The following LTF variants were observed in gnomAD, a reference collection of about 807,000 sequenced individuals.
LTF encodes epididymis luminal protein 110.
Under a neutral mutation model 87.2 loss-of-function variants are expected in LTF, and 91 were observed. The observed-to-expected ratio is 1.04, with a 90% CI of 0.88 to 1.24. The LOEUF (loss-of-function observed/expected upper bound fraction) is 1.24, where lower values mean the gene tolerates loss of function less well. LTF is among the 50% of genes most tolerant of loss of function. LTF has a pLI of 0.00. For synonymous variants in LTF, 378 were observed against 356.1 expected (o/e 1.06, Z -0.69); for missense variants, 901 against 904.3 (o/e 1.00, Z 0.05).
upstream of LTF, chr3:46,465,189 T>C: frequency 2.3e-6 from 1 of 431,160 alleles, no homozygotes; most frequent in South Asian, 2.5e-5. Context: ...CTGTCCCAGC[T>C]CTGGTCTCAG....
rs1203239551 is a variant in LTF, at chr3:46,454,308, A to G, written c.700T>C (p.Phe234Leu). The change falls in exon 6 of 17, where the codon TTT (phenylalanine) becomes CTT (leucine). Residue 234 changes from phenylalanine (F) to leucine (L), a missense_variant. By Grantham distance (22) the Phe-to-Leu change is conservative. Coordinates refer to ENST00000231751, the MANE Select transcript of LTF (RefSeq NM_002343.6). ...DVAFIRESTV[F>L]EDLSDEAERD... is the part of the protein sequence containing the mutation. ...CGGCTCATTACCCTGCTCTTACCAA[A>G]CACTGTGCTCTCTCTGATAAAAGCC... 6.2e-6 allele frequency: 10 copies of G among 1,614,128 alleles called. No individual in the cohort carries two copies. Among genetic ancestry groups the G allele is most frequent in the South Asian group, 1.1e-5 (1 of 91,080 alleles).
chr3:46,460,194 C>T (rs1375148055), intron 1 of LTF, among the ~76,000 whole-genome samples: 1 of 152,212 alleles, frequency 6.6e-6, no homozygotes, highest in Non-Finnish European at 1.5e-5. Context: ...GGAGTCATTG[C>T]TCCTGTTTTA....
At chr3:46,460,595 A>T (rs563201270) in intron 1 of LTF, 5 of 455,434 alleles carry the variant, frequency 1.1e-5, no homozygotes, top group South Asian at 3.1e-5. Flanking sequence ...ATCCACAAAA[A>T]ACCTGCAATG....
Position 46,439,486 on chromosome 3 carries a change from G to A in LTF, c.1724-6C>T, listed in dbSNP as rs1347948387. On this transcript the variant is annotated splice_region_variant and splice_polypyrimidine_tract_variant and intron_variant, in intron 14 of 16. Coordinates refer to ENST00000231751, the MANE Select transcript of LTF (RefSeq NM_002343.6). ...CCATGCCTCATTGTTATTTCCTGGG[G>A]AGAAAAAGAAGGTGGCATCATCCAC... 1.3e-5 allele frequency: 20 copies of A among 1,596,340 alleles called. No homozygotes were observed. Among genetic ancestry groups the A allele is most frequent in the Non-Finnish European group, 1.5e-5 (18 of 1,169,330 alleles).
chr3:46,438,857 T>C (rs1702447817), intron 15 of LTF, among the ~76,000 whole-genome samples: 1 of 152,222 alleles, frequency 6.6e-6, no homozygotes, highest in Non-Finnish European at 1.5e-5. Context: ...GCCCTAAATC[T>C]ATAGGGCACC....
At chr3:46,442,771 G>A (rs553622528) in intron 13 of LTF, among the ~76,000 whole-genome samples, 15 of 152,222 alleles carry the variant, frequency 9.9e-5, no homozygotes, top group East Asian at 3.9e-4. Context: ...CCATCTGGTC[G>A]TGAAATGTAC....
At position 46,438,138 on chromosome 3, in the gene LTF, A is replaced by G; in HGVS notation, c.1909-9T>C. ...TTTCTCCCAAATTTAGCCTGCGACA[A>G]AAGGGCAGACAGTGAGTAGCTAAGG... On this transcript the variant is annotated splice_polypyrimidine_tract_variant and intron_variant, in intron 15 of 16. Transcript: ENST00000231751. 1 of 1,612,080 alleles carries G rather than the reference A, an allele frequency of 6.2e-7. No homozygotes were observed. Among genetic ancestry groups the G allele is most frequent in the South Asian group, 1.1e-5 (1 of 91,032 alleles).
rs746084299 is a variant in LTF, at chr3:46,449,888, G to A, written c.1023C>T (p.Ser341=). The A allele has an allele frequency of 1.2e-5, 19 of 1,613,998 alleles. No individual in the cohort carries two copies. Among genetic ancestry groups the A allele is most frequent in the Middle Eastern group, 1.6e-4 (1 of 6,084 alleles). Residue 341 remains serine, a synonymous_variant, in exon 8 of 17, where the codon TCC becomes TCT. Coordinates refer to ENST00000231751, the MANE Select transcript of LTF (RefSeq NM_002343.6). ...AGTTCTGGATGGCAGTGAAGTAGCC[G>A]GAGCCAAGGTACAGCCCAGAATCTA... The part of the protein sequence containing the change: ...PRIDSGLYLG[S]GYFTAIQNLR...
chr3:46,456,451 C>T, intron 2 of LTF, 53 bp from the exon 3 acceptor site: 1 of 1,466,462 alleles, frequency 6.8e-7, no homozygotes, highest in Non-Finnish European at 9.5e-7. Context: ...CCAAACCCAG[C>T]AAGTGGGACT....
At position 46,448,983 on chromosome 3, in the gene LTF, G is replaced by C. The variant is rs2230894; in HGVS notation, c.1092C>G (p.Val364=). ...CCTGCTCGCCCACCGCACACCACAC[G>C]ACCCGCGCACGCCGGGCAGCCACTT... is the stretch of plus-strand genomic sequence containing the variant. ...EEEVAARRAR[V]VWCAVGEQEL... Residue 364 remains valine, a synonymous_variant, in exon 9 of 17, where the codon GTC becomes GTG. Transcript: ENST00000231751. 2.4e-5 allele frequency: 39 copies of C among 1,612,026 alleles called. No individual in the cohort carries two copies. The African/African-American group carries it at 4.4e-4, about 18-fold the overall frequency.
chr3:46,455,498 G>A lies in LTF; in HGVS notation c.500-56C>T. 3.7e-6 allele frequency: 6 copies of A among 1,607,044 alleles called. No homozygotes were observed. The South Asian group carries it at 5.5e-5, about 15-fold the overall frequency. On this transcript the variant is annotated intron_variant, in intron 4 of 16. Transcript: ENST00000231751. Reference sequence around the variant, plus strand: ...TGTGAGCCAGCCCTGGTCACAGCAGGTTACACCTCCCATCCTGAGGTCTCC... The same window carrying A: ...TGTGAGCCAGCCCTGGTCACAGCAGATTACACCTCCCATCCTGAGGTCTCC...
chr3:46,466,320 T>G (rs1304695120), upstream of LTF, among the ~76,000 whole-genome samples: 1 of 152,128 alleles, frequency 6.6e-6, no homozygotes, highest in Admixed American at 6.5e-5. Flanking sequence ...CCTGAACACC[T>G]TTCTTGGCAG....
At chr3:46,468,968 C>T (rs1703249446), upstream of LTF, among the ~76,000 whole-genome samples, 1 of 152,148 alleles carries the variant, frequency 6.6e-6, no homozygotes, top group South Asian at 2.1e-4. Context: ...CAGCTGCCTA[C>T]GTTCATCATT....
chr3:46,443,646 TA>T (rs1702577346), intron 12 of LTF, 64 bp from the exon 13 acceptor site: 1 of 1,545,900 alleles, frequency 6.5e-7, no homozygotes, highest in Non-Finnish European at 8.9e-7. Context: ...AACCTTTACC[TA>T]ACAGCCGATG....
Position 46,476,236 on chromosome 3 carries a change from TC to T in LTF, c.-319-5771del, listed in dbSNP as rs555017340. 1.1e-3 allele frequency among the ~76,000 whole-genome samples: 161 copies of T among 152,358 alleles called. 1 individual carries two copies. In the Middle Eastern group the frequency reaches 0.017, roughly 16 times the overall value. On this transcript the variant is annotated intron_variant, in intron 1 of 19. Coordinates refer to the LTF transcript ENST00000443496. ...TTGAACAGATATGGAGATAACAGCA[TC>T]CGGGTCTTGTTCCTGATCTCAGAAG... is the stretch of plus-strand genomic sequence containing the variant.
chr3:46,438,029 G>C lies in LTF; in HGVS notation c.2009C>G (p.Ala670Gly). 6.2e-7 allele frequency: 1 copy of C among 1,613,820 alleles called. No individual in the cohort carries two copies. The change falls in exon 16 of 17, where the codon GCC (alanine) becomes GGC (glycine). Residue 670 changes from alanine to glycine, a missense_variant. Ala to Gly is a moderately conservative substitution (Grantham distance 60). Coordinates refer to ENST00000231751, the MANE Select transcript of LTF (RefSeq NM_002343.6). Reference sequence around the variant, plus strand: ...ATATGTTGTTTTGCCATGGAGTCTGGCCAGACACTCAGTGTTGTCATTGAA... The same window carrying C: ...ATATGTTGTTTTGCCATGGAGTCTGCCCAGACACTCAGTGTTGTCATTGAA... The part of the protein sequence containing the change: ...LLFNDNTECL[A>G]RLHGKTTYEK...
upstream of LTF, among the ~76,000 whole-genome samples, chr3:46,465,696 C>T (rs766350874): frequency 9.9e-5 from 15 of 151,786 alleles, no homozygotes; most frequent in South Asian, 2.1e-4. Context: ...TTTTAACAAT[C>T]GCCATAAATG....
chr3:46,450,159 C>T (rs1037459219), intron 7 of LTF, 131 bp from the exon 8 acceptor site: 3 of 738,448 alleles, frequency 4.1e-6, no homozygotes, highest in Non-Finnish European at 6.6e-6. Context: ...TGAGACCCTC[C>T]TGCAGAGGGA....
At chr3:46,451,585 G>T (rs532506788) in intron 6 of LTF, among the ~76,000 whole-genome samples, 13 of 152,078 alleles carry the variant, frequency 8.5e-5, no homozygotes, top group African/African-American at 2.9e-4. Flanking sequence ...GTAATAGATA[G>T]AATCGGTAAA....
Sources: gnomAD v4.1 joint callset for allele counts (sites outside exome capture counted in the v4.1 genomes callset) on GRCh38, gnomAD v4.1.1 for gene constraint, MANE v1.5 for transcripts, NCBI Gene and HGNC (gene_info 2026-07-23, HGNC 2026-07-21) for gene names.